The following SPAG16 variants were observed in gnomAD, a reference collection of about 807,000 sequenced individuals.
SPAG16 encodes the protein sperm associated antigen 16, also known as sperm-associated antigen 16 protein.
In SPAG16, 86 loss-of-function variants were observed where a neutral mutation model predicts 80.4. The observed-to-expected ratio is 1.07, with a 90% CI of 0.90 to 1.28. SPAG16 has a LOEUF of 1.28. Ranked by LOEUF, SPAG16 falls within the 50% of genes most tolerant of loss-of-function variation. SPAG16 has a pLI of 0.00. For synonymous variants in SPAG16, 294 were observed against 265.9 expected (o/e 1.11, Z -1.03); for missense variants, 870 against 765.3 (o/e 1.14, Z -1.61).
At chr2:214,343,143 T>A (rs995128465) in intron 15 of SPAG16, among the ~76,000 whole-genome samples, 2 of 152,094 alleles carry the variant, frequency 1.3e-5, no homozygotes, top group East Asian at 3.8e-4. Flanking sequence ...ATTTAAAAAT[T>A]TAGGGTACTA....
At chr2:214,084,800 C>A (rs2125279070) in intron 13 of SPAG16, among the ~76,000 whole-genome samples, 1 of 152,318 alleles carries the variant, frequency 6.6e-6, no homozygotes, top group East Asian at 1.9e-4. Context: ...CTAATTTCTT[C>A]ATCATTCATT....
At chr2:213,856,422 T>C (rs1233236076) in intron 10 of SPAG16, among the ~76,000 whole-genome samples, 1 of 152,202 alleles carries the variant, frequency 6.6e-6, no homozygotes, top group East Asian at 1.9e-4. Flanking sequence ...TGAAGGACAG[T>C]GGCCCTCTTC....
At chr2:213,812,959 C>T (rs1007164598) in intron 10 of SPAG16, among the ~76,000 whole-genome samples, 1 of 151,896 alleles carries the variant, frequency 6.6e-6, no homozygotes, top group Non-Finnish European at 1.5e-5. Context: ...TAAGAAACAG[C>T]CTTCAATTCA....
At position 213,747,243 on chromosome 2, in the gene SPAG16, A is replaced by G. The variant is rs559583187; in HGVS notation, c.1071-115242A>G. ...GAAATCTATAAAGAAAATATTCTGT[A>G]TAGCTGTACATGTTTGTGTCTTAAC... On this transcript the variant is annotated intron_variant, in intron 10 of 15. Transcript: ENST00000331683. Among the ~76,000 whole-genome samples the G allele has an allele frequency of 6.6e-5, 10 of 152,356 alleles. No individual in the cohort carries two copies. In the South Asian group the frequency reaches 1.9e-3, roughly 28 times the overall value.
chr2:214,015,089 G>T (rs1213721099), intron 13 of SPAG16, among the ~76,000 whole-genome samples: 1 of 152,134 alleles, frequency 6.6e-6, no homozygotes, highest in Non-Finnish European at 1.5e-5. Flanking sequence ...CCCCTTCATG[G>T]GTCCCATGTA....
intron 14 of SPAG16, among the ~76,000 whole-genome samples, chr2:214,126,037 TCCTTCCTTCCTTCCTTCCTTC>T (rs2054472103): frequency 4.1e-5 from 2 of 48,454 alleles, no homozygotes; most frequent in Admixed American, 2.4e-4. Context: ...CTTCCTTCCT[TCCTTCCTTCCTTCCTTCCTTC>T]CTTTTTTTTT....
At chr2:214,246,502 G>A (rs1689858353) in intron 15 of SPAG16, among the ~76,000 whole-genome samples, 2 of 152,040 alleles carry the variant, frequency 1.3e-5, no homozygotes. Context: ...CTTTGTATAT[G>A]GAAGCACTTA....
At chr2:214,126,084 G>A (rs79041993) in intron 14 of SPAG16, among the ~76,000 whole-genome samples, 1 of 76,758 alleles carries the variant, frequency 1.3e-5, no homozygotes, top group Non-Finnish European at 2.6e-5. Context: ...TTTTTTTTTG[G>A]CGTTTCTGTA....
At position 214,318,421 on chromosome 2, in the gene SPAG16, G is replaced by A. The variant is rs535142534; in HGVS notation, c.1721-91719G>A. Among the ~76,000 whole-genome samples, 3 of 111,960 alleles carry A rather than the reference G, an allele frequency of 2.7e-5. No homozygotes were observed. The South Asian group carries it at 9.5e-4, about 35-fold the overall frequency. The allele number at this position is 111,960 out of a possible 152,430, so 73.5% of individuals were successfully genotyped here. On this transcript the variant is annotated intron_variant, in intron 15 of 15. Transcript: ENST00000331683. ...TTTTGAGACAGGGTCTCGCTCTGTT[G>A]CCCAGGCTGGAGTGCAGTGGTGCGA...
At chr2:214,302,108 T>C (rs1163921101) in intron 15 of SPAG16, among the ~76,000 whole-genome samples, 2 of 152,200 alleles carry the variant, frequency 1.3e-5, no homozygotes, top group Admixed American at 6.5e-5. Context: ...CTCTTGGTAT[T>C]GATTTCCAAT....
intron 11 of SPAG16, among the ~76,000 whole-genome samples, chr2:213,868,574 T>A (rs1162174794): frequency 6.6e-6 from 1 of 152,222 alleles, no homozygotes; most frequent in African/African-American, 2.4e-5. Flanking sequence ...GTAACATAAT[T>A]TTGAATGTAA....
chr2:214,041,687 CTTCTT>C (rs1181896553), intron 13 of SPAG16, among the ~76,000 whole-genome samples: 1 of 151,504 alleles, frequency 6.6e-6, no homozygotes. Flanking sequence ...TTTTGATTCT[CTTCTT>C]GAAGACTGAT....
At chr2:213,416,293 C>T (rs1330228674) in intron 9 of SPAG16, among the ~76,000 whole-genome samples, 1 of 152,210 alleles carries the variant, frequency 6.6e-6, no homozygotes, top group Admixed American at 6.5e-5. Context: ...CTGTGAGCTA[C>T]AGGCTGCTGT....
intron 15 of SPAG16, among the ~76,000 whole-genome samples, chr2:214,162,502 T>C (rs762160712): frequency 6.6e-6 from 1 of 152,090 alleles, no homozygotes. Context: ...ATAATGACTA[T>C]AGAGGGAGAT....
At chr2:214,289,077 C>A (rs1200950625) in intron 15 of SPAG16, among the ~76,000 whole-genome samples, 2 of 152,108 alleles carry the variant, frequency 1.3e-5, no homozygotes, top group Non-Finnish European at 2.9e-5. Flanking sequence ...CCTTTGCCCA[C>A]TTTTTAATAG....
At chr2:213,438,610 G>T (rs1303697493) in intron 9 of SPAG16, among the ~76,000 whole-genome samples, 5 of 152,314 alleles carry the variant, frequency 3.3e-5, no homozygotes, top group Non-Finnish European at 7.3e-5. Flanking sequence ...GTTCAAAGAT[G>T]ATCCCCAATA....
intron 1 of SPAG16, among the ~76,000 whole-genome samples, chr2:213,287,258 G>A (rs1454563970): frequency 6.6e-6 from 1 of 152,164 alleles, no homozygotes; most frequent in Admixed American, 6.5e-5. Flanking sequence ...CTAGAAAGAA[G>A]GTTGATTGTC....
At chr2:213,595,536 T>G (rs541763885) in intron 10 of SPAG16, among the ~76,000 whole-genome samples, 1 of 152,222 alleles carries the variant, frequency 6.6e-6, no homozygotes, top group East Asian at 1.9e-4. Flanking sequence ...CTGTCAGAAG[T>G]TTAGATAATT....
intron 4 of SPAG16, among the ~76,000 whole-genome samples, chr2:213,311,502 G>A (rs759000394): frequency 2.6e-5 from 4 of 151,554 alleles, no homozygotes; most frequent in Non-Finnish European, 5.9e-5. Flanking sequence ...TTTAGATTTA[G>A]CAATCTGAAT....
Sources: gnomAD v4.1 joint callset for allele counts (sites outside exome capture counted in the v4.1 genomes callset) on GRCh38, gnomAD v4.1.1 for gene constraint, MANE v1.5 for transcripts, NCBI Gene and HGNC (gene_info 2026-07-23, HGNC 2026-07-21) for gene names.